Variants in GPAT3 observed in about 807,000 individuals in gnomAD.
GPAT3 encodes glycerol-3-phosphate acyltransferase 3, also known as 1-AGP acyltransferase 9.
In GPAT3, 53 loss-of-function variants were observed where a neutral mutation model predicts 58.8. The observed-to-expected ratio is 0.90, with a 90% CI of 0.72 to 1.13. The LOEUF (loss-of-function observed/expected upper bound fraction) is 1.13. GPAT3 is among the 50% of genes most tolerant of loss of function. The probability of loss-of-function intolerance (pLI) is 0.00; values close to 1 mark genes in which losing one functional copy is unlikely to be tolerated. For synonymous variants in GPAT3, 197 were observed against 187.4 expected, an observed-to-expected ratio of 1.05 and a Z score of -0.42; for missense variants, 511 against 527.6, an observed-to-expected ratio of 0.97 and a Z score of 0.31.
intron 2 of GPAT3, among the ~76,000 whole-genome samples, chr4:83,570,673 A>G (rs976163976): frequency 2.0e-5 from 3 of 152,026 alleles, no homozygotes; most frequent in African/African-American, 4.8e-5. Flanking sequence ...GGGTTTTACT[A>G]TGTTGGCCAG....
At chr4:83,596,274 A>G (rs1726831506) in intron 7 of GPAT3, among the ~76,000 whole-genome samples, 2 of 152,144 alleles carry the variant, frequency 1.3e-5, no homozygotes, top group Admixed American at 1.3e-4. Flanking sequence ...ATGACTCTAG[A>G]GTCAAATGAC....
chr4:83,578,960 C>CT (rs1238054368), intron 2 of GPAT3, among the ~76,000 whole-genome samples: 1 of 85,650 alleles, frequency 1.2e-5, no homozygotes, highest in Non-Finnish European at 2.2e-5. Context: ...TTCTTTCTTT[C>CT]TTTCTTTCTT....
intron 2 of GPAT3, among the ~76,000 whole-genome samples, chr4:83,580,231 T>C (rs1423448318): frequency 1.3e-5 from 2 of 152,190 alleles, no homozygotes; most frequent in Non-Finnish European, 2.9e-5. Context: ...TGATGGAAAA[T>C]ACAGTAACAG....
intron 2 of GPAT3, among the ~76,000 whole-genome samples, chr4:83,561,132 A>C (rs1026717169): frequency 6.6e-6 from 1 of 152,246 alleles, no homozygotes; most frequent in African/African-American, 2.4e-5. Context: ...AAATTATTAG[A>C]GAAAACAGCA....
In GPAT3 at chr4:83,574,624, A is replaced by ATT. The variant is rs561972057; in HGVS notation, c.209-6886_209-6885dup. Among the ~76,000 whole-genome samples the ATT allele has an allele frequency of 2.2e-3, 123 of 55,568 alleles. 8 individuals carry two copies. Among genetic ancestry groups the ATT allele is most frequent in the Non-Finnish European group, 3.3e-3 (94 of 28,558 alleles). 36.5% of individuals were successfully genotyped at this position (55,568 alleles called of 152,430 possible). The stretch of plus-strand genomic sequence containing the variant: ...AAAGCTGACTTGTAAAGTAAAATGA[A>ATT]TTTTTTTTTTTTTTTTTTTTTTTTT... On this transcript the variant is annotated intron_variant, in intron 2 of 11. Coordinates refer to ENST00000264409, the MANE Select transcript of GPAT3 (RefSeq NM_032717.5).
intron 2 of GPAT3, among the ~76,000 whole-genome samples, chr4:83,575,357 A>G (rs1014364294): frequency 1.3e-5 from 2 of 152,178 alleles, no homozygotes; most frequent in African/African-American, 4.8e-5. Context: ...AACATATCTC[A>G]GGAGAAAGTA....
chr4:83,546,710 A>G (rs10022623), intron 2 of GPAT3, among the ~76,000 whole-genome samples: 50,424 of 152,016 alleles, frequency 0.33, 9,297 homozygotes, highest in Middle Eastern at 0.49. Flanking sequence ...AAAGTTGATT[A>G]AGACATAGTC....
chr4:83,548,661 T>C (rs1724632798), intron 2 of GPAT3, among the ~76,000 whole-genome samples: 1 of 152,148 alleles, frequency 6.6e-6, no homozygotes, highest in African/African-American at 2.4e-5. Context: ...GACTCAGCAT[T>C]GTTGGCCACA....
At chr4:83,537,035 T>C (rs960316237) in intron 1 of GPAT3, among the ~76,000 whole-genome samples, 1 of 152,222 alleles carries the variant, frequency 6.6e-6, no homozygotes, top group African/African-American at 2.4e-5. Context: ...AGCATCGTTA[T>C]TATTTTACTG....
intron 6 of GPAT3, among the ~76,000 whole-genome samples, chr4:83,593,908 C>T (rs188406615): frequency 9.9e-5 from 15 of 152,238 alleles, no homozygotes. Flanking sequence ...TATCAATATG[C>T]TTCCAAATGT....
intron 1 of GPAT3, among the ~76,000 whole-genome samples, chr4:83,537,565 A>T (rs1448213473): frequency 2.1e-5 from 3 of 145,820 alleles, no homozygotes; most frequent in African/African-American, 8.3e-5. Flanking sequence ...TCTTTTTTTA[A>T]AAAAAAATTT....
intron 2 of GPAT3, among the ~76,000 whole-genome samples, chr4:83,576,410 CATTTT>C (rs1355088373): frequency 7.5e-6 from 1 of 133,584 alleles, no homozygotes; most frequent in Non-Finnish European, 1.6e-5. Context: ...GAGAAAATAT[CATTTT>C]ATTTATTTAT....
At chr4:83,546,594 G>A (rs10032581) in intron 2 of GPAT3, among the ~76,000 whole-genome samples, 50,497 of 151,944 alleles carry the variant, frequency 0.33, 9,303 homozygotes, top group Middle Eastern at 0.49. Context: ...CGCAAAATTT[G>A]TCATATTTCA....
intron 2 of GPAT3, among the ~76,000 whole-genome samples, chr4:83,549,675 G>C (rs1724677963): frequency 6.7e-6 from 1 of 149,560 alleles, no homozygotes; most frequent in South Asian, 2.1e-4. Flanking sequence ...TGGAATTACA[G>C]GGTGTGCCAC....
In GPAT3 at chr4:83,562,179, T is replaced by TTATATA. The variant is rs138405336; in HGVS notation, c.208+17592_208+17597dup. Among the ~76,000 whole-genome samples, 6 of 86,174 alleles carry TTATATA rather than the reference T, an allele frequency of 7.0e-5. No individual in the cohort carries two copies. In the Admixed American group the frequency reaches 8.4e-4, roughly 12 times the overall value. 56.5% of individuals were successfully genotyped at this position (86,174 alleles called of 152,430 possible). A position where few individuals can be genotyped will look rare whatever the true frequency, so the allele number is the denominator to read the frequency against. ...AACTGATTTCTAGTTATTTTATATA[T>TTATATA]TATATATATATATATATATAATATA... On this transcript the variant is annotated intron_variant, in intron 2 of 11. Coordinates refer to ENST00000264409, the MANE Select transcript of GPAT3 (RefSeq NM_032717.5).
chr4:83,539,298 T>A (rs1402951051), intron 1 of GPAT3, among the ~76,000 whole-genome samples: 2 of 152,238 alleles, frequency 1.3e-5, no homozygotes, highest in Non-Finnish European at 2.9e-5. Flanking sequence ...CCTTGGTAAA[T>A]TCTTAATTGA....
chr4:83,578,333 T>C (rs1409686506), intron 2 of GPAT3, among the ~76,000 whole-genome samples: 1 of 152,216 alleles, frequency 6.6e-6, no homozygotes, highest in Non-Finnish European at 1.5e-5. Context: ...GTTACCTACA[T>C]ACTTTTGAAA....
chr4:83,537,028 ATCG>A (rs1251211908), intron 1 of GPAT3, among the ~76,000 whole-genome samples: 3 of 152,178 alleles, frequency 2.0e-5, no homozygotes, highest in Non-Finnish European at 4.4e-5. Flanking sequence ...CTCCCTGAGC[ATCG>A]TTATTATTTT....
At chr4:83,539,815 T>C (rs1724228411) in intron 1 of GPAT3, among the ~76,000 whole-genome samples, 1 of 152,240 alleles carries the variant, frequency 6.6e-6, no homozygotes, top group South Asian at 2.1e-4. Flanking sequence ...CGTATGTTAA[T>C]ATTACAGCTT....
Sources: allele counts gnomAD v4.1 joint callset (sites outside exome capture counted in the v4.1 genomes callset), GRCh38; gene constraint gnomAD v4.1.1; transcripts MANE v1.5; gene names NCBI Gene and HGNC (gene_info 2026-07-23, HGNC 2026-07-21).